Variants in KCNK17 observed in about 807,000 individuals in gnomAD.
KCNK17 encodes the protein potassium channel subfamily K member 17.
Under a neutral mutation model 24.6 loss-of-function variants are expected in KCNK17, and 27 were observed. That is an observed-to-expected ratio of 1.10 (90% CI 0.81 to 1.51). KCNK17 has a LOEUF of 1.51. KCNK17 is among the 40% of genes most tolerant of loss of function. The pLI, the probability that KCNK17 is intolerant of heterozygous loss-of-function variation, is 0.00. For missense variants in KCNK17, 450 were observed against 436.6 expected, an observed-to-expected ratio of 1.03 and a Z score of -0.27; for synonymous variants, 181 against 189.8, an observed-to-expected ratio of 0.95 and a Z score of 0.38.
intron 4 of KCNK17, among the ~76,000 whole-genome samples, chr6:39,300,799 T>A (rs1761940743): frequency 6.6e-6 from 1 of 152,194 alleles, no homozygotes; most frequent in Non-Finnish European, 1.5e-5. Flanking sequence ...GCCTCTCGGC[T>A]CCAAATGCTC....
intron 2 of KCNK17, 27 bp downstream of exon 2, chr6:39,310,866 A>AG: frequency 9.2e-6 from 7 of 756,830 alleles, no homozygotes; most frequent in Non-Finnish European, 1.5e-5. Context: ...CCCCACCCCC[A>AG]TCCCCCTGGC....
Position 39,299,150 on chromosome 6 carries a change from T to C in KCNK17, c.*277A>G. On this transcript the variant is annotated 3_prime_UTR_variant, in exon 5 of 5. Transcript: ENST00000373231. ...ACATTGCCGCTACTTCATGGTGCCG[T>C]ATGGCTGCCAGAGCTCCCAGCCATC... 2.2e-6 allele frequency: 1 copy of C among 464,354 alleles called. No individual in the cohort carries two copies. Among genetic ancestry groups the C allele is most frequent in the Non-Finnish European group, 3.9e-6 (1 of 259,290 alleles). 28.8% of individuals were successfully genotyped at this position (464,354 alleles called of 1,614,324 possible). A position where few individuals can be genotyped will look rare whatever the true frequency, so the allele number is the denominator to read the frequency against.
At position 39,304,645 on chromosome 6, in the gene KCNK17, G is replaced by T. The variant is rs200742756; in HGVS notation, c.363C>A (p.Asn121Lys). ...VSTITTIGYGNLSPNTMAARL... is the reference protein window; with the variant it reads ...VSTITTIGYGKLSPNTMAARL... ...GGGCAGCCATCGTGTTGGGGCTCAGGTTGCCATAGCCTGAGGTGAGAGGGG... is the reference window on the plus strand; with the variant it reads ...GGGCAGCCATCGTGTTGGGGCTCAGTTTGCCATAGCCTGAGGTGAGAGGGG... Residue 121 changes from asparagine (N) to lysine (K), a missense_variant, in exon 3 of 5, where the codon AAC (asparagine) becomes AAA (lysine). Physicochemically the swap from Asn to Lys is moderately conservative, Grantham distance 94. Coordinates refer to ENST00000373231, the MANE Select transcript of KCNK17 (RefSeq NM_031460.4). 4 of 1,611,884 alleles carry T rather than the reference G, an allele frequency of 2.5e-6. No homozygotes were observed. Among genetic ancestry groups the T allele is most frequent in the Admixed American group, 3.3e-5 (2 of 59,972 alleles).
chr6:39,299,166 C>T lies in KCNK17; in HGVS notation c.*261G>A, dbSNP rs1761898306. ...ATGGTGCCGTATGGCTGCCAGAGCT[C>T]CCAGCCATCATATCGGCGGCATTGC... is the stretch of plus-strand genomic sequence containing the variant. On this transcript the variant is annotated 3_prime_UTR_variant, in exon 5 of 5. Transcript: ENST00000373231. The T allele has an allele frequency of 2.1e-6, 1 of 485,744 alleles. No homozygotes were observed. The highest frequency in any genetic ancestry group is 3.7e-6 in the Non-Finnish European group (1 of 272,298). The allele number at this position is 485,744 out of a possible 1,614,324, so 30.1% of individuals were successfully genotyped here. A position where few individuals can be genotyped will look rare whatever the true frequency, so the allele number is the denominator to read the frequency against.
intron 4 of KCNK17, among the ~76,000 whole-genome samples, chr6:39,302,266 C>T (rs972901600): frequency 1.3e-5 from 2 of 152,052 alleles, no homozygotes; most frequent in Non-Finnish European, 2.9e-5. Flanking sequence ...TGGGCAGTCC[C>T]TCTGGGCTTA....
At chr6:39,305,891 C>A (rs1287814868) in intron 2 of KCNK17, among the ~76,000 whole-genome samples, 1 of 152,146 alleles carries the variant, frequency 6.6e-6, no homozygotes, top group African/African-American at 2.4e-5. Flanking sequence ...ATAAATGACC[C>A]TTCCAGTCCT....
At chr6:39,304,789 C>G in intron 2 of KCNK17, 134 bp from the exon 3 acceptor site, 1 of 912,860 alleles carries the variant, frequency 1.1e-6, no homozygotes, top group Non-Finnish European at 1.7e-6. Context: ...TGATACTTAC[C>G]AAGGCCCTCC....
Position 39,299,107 on chromosome 6 carries a change from T to A in KCNK17, c.*320A>T, listed in dbSNP as rs1761896551. 1 of 350,220 alleles carries A rather than the reference T, an allele frequency of 2.9e-6. No individual in the cohort carries two copies. Among genetic ancestry groups the A allele is most frequent in the Non-Finnish European group, 5.2e-6 (1 of 191,486 alleles). 21.7% of individuals were successfully genotyped at this position (350,220 alleles called of 1,614,324 possible). A position where few individuals can be genotyped will look rare whatever the true frequency, so the allele number is the denominator to read the frequency against. ...TCATCAGAGATCCAGACTCTTCCTA[T>A]CTTATTGTGCCGCTCAAACATTGCC... On this transcript the variant is annotated 3_prime_UTR_variant, in exon 5 of 5. Transcript: ENST00000373231.
intron 4 of KCNK17, among the ~76,000 whole-genome samples, chr6:39,302,044 C>G (rs984286703): frequency 6.6e-6 from 1 of 152,238 alleles, no homozygotes; most frequent in Non-Finnish European, 1.5e-5. Flanking sequence ...CCCTTCCCTC[C>G]TCCAGGCCTC....
chr6:39,313,255 C>T (rs1261140738), intron 1 of KCNK17, among the ~76,000 whole-genome samples: 3 of 152,262 alleles, frequency 2.0e-5, no homozygotes, highest in Non-Finnish European at 2.9e-5. Context: ...CTAGGCCCCA[C>T]CCTTGAGGAG....
chr6:39,307,724 C>T (rs961263355), intron 2 of KCNK17, among the ~76,000 whole-genome samples: 1 of 152,198 alleles, frequency 6.6e-6, no homozygotes, highest in African/African-American at 2.4e-5. Flanking sequence ...CCCAAGCCAC[C>T]TTTCACTTCA....
At chr6:39,304,713 C>T (rs1460615866) in intron 2 of KCNK17, 58 bp from the exon 3 acceptor site, 2 of 1,562,614 alleles carry the variant, frequency 1.3e-6, no homozygotes, top group Admixed American at 1.7e-5. Flanking sequence ...CCACTCACCA[C>T]CACAGCCCCA....
At position 39,303,173 on chromosome 6, in the gene KCNK17, C is replaced by T. The variant is rs558363015; in HGVS notation, c.688+784G>A. ...TTCATTCTTCCAGGCTGGGTTCTGT[C>T]GCTGAAGAAGTGAAGAAGGGCAAGG... On this transcript the variant is annotated intron_variant, in intron 4 of 4. Transcript: ENST00000373231. Among the ~76,000 whole-genome samples the T allele has an allele frequency of 3.9e-5, 6 of 152,314 alleles. No homozygotes were observed. The East Asian group carries it at 7.7e-4, about 20-fold the overall frequency.
intron 4 of KCNK17, among the ~76,000 whole-genome samples, chr6:39,300,960 C>T (rs12214600): frequency 0.14 from 21,795 of 152,160 alleles, 1,927 homozygotes; most frequent in Admixed American, 0.21. Context: ...ACTTCCTCAT[C>T]TGTAAAATGG....
At chr6:39,309,956 T>C (rs555956278) in intron 2 of KCNK17, among the ~76,000 whole-genome samples, 1 of 152,314 alleles carries the variant, frequency 6.6e-6, no homozygotes, top group Non-Finnish European at 1.5e-5. Flanking sequence ...AGGTCTGCTT[T>C]CAAGAAGTTC....
intron 4 of KCNK17, among the ~76,000 whole-genome samples, chr6:39,300,015 G>T (rs147634594): frequency 6.6e-6 from 1 of 152,182 alleles, no homozygotes; most frequent in African/African-American, 2.4e-5. Flanking sequence ...CCCTGGGGCC[G>T]GCAGCATCAG....
At chr6:39,313,705 C>T (rs947222142) in intron 1 of KCNK17, among the ~76,000 whole-genome samples, 1 of 151,136 alleles carries the variant, frequency 6.6e-6, no homozygotes, top group South Asian at 2.1e-4. Flanking sequence ...CAAACGCGCC[C>T]TTTCCCGGGT....
rs372247105 is a variant in KCNK17, at chr6:39,302,360, G to A, written c.688+1597C>T. Among the ~76,000 whole-genome samples the A allele has an allele frequency of 9.9e-5, 15 of 152,164 alleles. No individual in the cohort carries two copies. In the South Asian group the frequency reaches 3.1e-3, roughly 32 times the overall value. On this transcript the variant is annotated intron_variant, in intron 4 of 4. Coordinates refer to ENST00000373231, the MANE Select transcript of KCNK17 (RefSeq NM_031460.4). ...TGGACTAGATCTCCTCAGTCAGATT[G>A]TATTGGTAGGAGGGGGGTTACAGAT...
chr6:39,299,822 A>C, intron 4 of KCNK17, 85 bp from the exon 5 acceptor site: 1 of 1,413,664 alleles, frequency 7.1e-7, no homozygotes, highest in Admixed American at 1.9e-5. Context: ...ACATGGTTTG[A>C]TTCATATAAG....
Sources: gnomAD v4.1 joint callset for allele counts (sites outside exome capture counted in the v4.1 genomes callset) on GRCh38, gnomAD v4.1.1 for gene constraint, MANE v1.5 for transcripts, NCBI Gene and HGNC (gene_info 2026-07-23, HGNC 2026-07-21) for gene names.